The following ZNF18 variants were observed in gnomAD, a reference collection of about 807,000 sequenced individuals.
The protein encoded by ZNF18 is zinc finger protein 18.
ZNF18 carries 42 observed loss-of-function variants against 58.1 expected under a neutral mutation model. The ratio of observed to expected loss-of-function variants is 0.72; its 90% CI spans 0.56 to 0.93. The LOEUF (loss-of-function observed/expected upper bound fraction) is 0.93, where lower values mean the gene tolerates loss of function less well. ZNF18 is among the 40% of genes least tolerant of loss of function. ZNF18 has a pLI of 0.00. For synonymous variants in ZNF18, 231 were observed against 239.8 expected (o/e 0.96, Z 0.34); for missense variants, 540 against 644.2 (o/e 0.84, Z 1.75).
chr17:12,003,378 T>C, the ZNF18 span, among the ~76,000 whole-genome samples: 1 of 150,530 alleles, frequency 6.6e-6, no homozygotes, highest in Non-Finnish European at 1.5e-5. Flanking sequence ...AGGCAGAGGT[T>C]GCAGTGAGCC....
chr17:11,992,185 T>A (rs916227250), intron 2 of ZNF18, among the ~76,000 whole-genome samples: 4 of 152,290 alleles, frequency 2.6e-5, no homozygotes, highest in Middle Eastern at 3.4e-3. Context: ...TTGTCAGAAG[T>A]ACAGGTGGCC....
At chr17:11,982,658 G>T (rs1404720702) in intron 6 of ZNF18, among the ~76,000 whole-genome samples, 1 of 8,422 alleles carries the variant, frequency 1.2e-4, no homozygotes, top group Non-Finnish European at 2.3e-4. Flanking sequence ...ATATATAAAA[G>T]TGTGTGTGTG....
chr17:11,989,266 A>G (rs1967948449), intron 4 of ZNF18, among the ~76,000 whole-genome samples: 1 of 152,136 alleles, frequency 6.6e-6, no homozygotes, highest in Non-Finnish European at 1.5e-5. Context: ...TCAAGGCTGC[A>G]GTGAGCTATG....
rs748868764 is a variant in ZNF18 at position 11,978,429 on chromosome 17, G to GTC, written c.1176_1177dup (p.Thr393ArgfsTer61). The stretch of plus-strand genomic sequence containing the variant: ...GGCTCTTGGCTGCCCCTTCTGGGAG[G>GTC]TCTCTCTCTTCTCCTCAAGCCACAT... On this transcript the variant is annotated frameshift_variant, in exon 7 of 7. Coordinates refer to ENST00000580306, the MANE Select transcript of ZNF18 (RefSeq NM_001303281.2). LOFTEE classifies it high-confidence loss of function. 2.6e-6 allele frequency: 4 copies of GTC among 1,551,586 alleles called. No homozygotes were observed. The highest frequency in any genetic ancestry group is 3.5e-6 in the Non-Finnish European group (4 of 1,152,482).
intron 4 of ZNF18, 63 bp downstream of exon 4, chr17:11,990,399 C>A: frequency 7.2e-7 from 1 of 1,387,348 alleles, no homozygotes; most frequent in Non-Finnish European, 1.0e-6. Flanking sequence ...TGAAGAGAAG[C>A]AGGAGGATGA....
the ZNF18 span, among the ~76,000 whole-genome samples, chr17:12,012,893 G>T: frequency 3.3e-5 from 5 of 151,212 alleles, no homozygotes; most frequent in African/African-American, 1.2e-4. Flanking sequence ...TGATCCACTT[G>T]TTAATTTTCT....
chr17:12,018,506 A>G, the ZNF18 span, among the ~76,000 whole-genome samples: 1 of 152,060 alleles, frequency 6.6e-6, no homozygotes, highest in Non-Finnish European at 1.5e-5. Context: ...ATTAGGGCCC[A>G]CTCGTATGAC....
the ZNF18 span, among the ~76,000 whole-genome samples, chr17:12,019,134 C>A: frequency 1.3e-5 from 2 of 151,314 alleles, no homozygotes; most frequent in African/African-American, 4.9e-5. Context: ...TTGTTTTTTT[C>A]TGTATTTTTA....
At chr17:12,014,180 C>A in the ZNF18 span, among the ~76,000 whole-genome samples, 1 of 152,322 alleles carries the variant, frequency 6.6e-6, no homozygotes, top group East Asian at 1.9e-4. Context: ...AACCCTCATA[C>A]TCTTAGTGGG....
At chr17:12,015,107 T>C in the ZNF18 span, among the ~76,000 whole-genome samples, 1 of 152,208 alleles carries the variant, frequency 6.6e-6, no homozygotes, top group Non-Finnish European at 1.5e-5. Context: ...TTATATGGTA[T>C]ATGAATTATA....
chr17:11,987,225 T>C (rs919818388), intron 4 of ZNF18, among the ~76,000 whole-genome samples: 2 of 152,344 alleles, frequency 1.3e-5, no homozygotes, highest in Admixed American at 1.3e-4. Context: ...CCTTTAAGTC[T>C]GAAAACAGGG....
the ZNF18 span, among the ~76,000 whole-genome samples, chr17:12,011,514 T>C: frequency 1.3e-5 from 2 of 151,162 alleles, no homozygotes; most frequent in Non-Finnish European, 1.5e-5. Context: ...GCCTCCCAAG[T>C]AGTTGGGGCT....
chr17:12,001,203 C>T (rs1437196275), upstream of ZNF18, among the ~76,000 whole-genome samples: 1 of 152,116 alleles, frequency 6.6e-6, no homozygotes, highest in African/African-American at 2.4e-5. Context: ...CAAGCCACAC[C>T]AAAAACAAAT....
the ZNF18 span, among the ~76,000 whole-genome samples, chr17:12,014,093 A>G: frequency 1.3e-5 from 2 of 152,272 alleles, no homozygotes; most frequent in Admixed American, 6.5e-5. Flanking sequence ...GCCTCAAAAC[A>G]TAATGTTGTT....
chr17:12,002,669 G>A, the ZNF18 span, among the ~76,000 whole-genome samples: 3 of 152,286 alleles, frequency 2.0e-5, no homozygotes, highest in South Asian at 6.2e-4. Flanking sequence ...GGGCTAACAG[G>A]ACAAGCTGTT....
chr17:12,013,322 G>A, the ZNF18 span, among the ~76,000 whole-genome samples: 1 of 152,312 alleles, frequency 6.6e-6, no homozygotes, highest in South Asian at 2.1e-4. Flanking sequence ...TTCCCAGTTA[G>A]CAGTTTGTCT....
chr17:12,021,256 C>G, the ZNF18 span: 1 of 275,784 alleles, frequency 3.6e-6, no homozygotes, highest in Non-Finnish European at 6.7e-6. Context: ...GGGCTCTCAG[C>G]AGGCCCGCAG....
At chr17:12,005,471 T>C in the ZNF18 span, among the ~76,000 whole-genome samples, 1 of 152,192 alleles carries the variant, frequency 6.6e-6, no homozygotes, top group Non-Finnish European at 1.5e-5. Flanking sequence ...CTATGGAAAT[T>C]AGTAGCCACA....
At chr17:12,006,563 G>T in the ZNF18 span, among the ~76,000 whole-genome samples, 5 of 152,090 alleles carry the variant, frequency 3.3e-5, no homozygotes, top group Non-Finnish European at 7.4e-5. Context: ...TTCCTAGAAA[G>T]AATAGTAATA....
Sources: allele counts gnomAD v4.1 joint callset (sites outside exome capture counted in the v4.1 genomes callset), GRCh38; gene constraint gnomAD v4.1.1; transcripts MANE v1.5; gene names NCBI Gene and HGNC (gene_info 2026-07-23, HGNC 2026-07-21).